The following PEAK1 variants were observed in gnomAD, a reference collection of about 807,000 sequenced individuals.
The protein encoded by PEAK1 is pseudopodium enriched atypical kinase 1, also known as inactive tyrosine-protein kinase PEAK1.
In PEAK1, 54 loss-of-function variants were observed where a neutral mutation model predicts 124.7. That is an observed-to-expected ratio of 0.43 (90% CI 0.35 to 0.54). The LOEUF (loss-of-function observed/expected upper bound fraction) is 0.54. Among genes scored for constraint, PEAK1 ranks in the 20% least tolerant of loss-of-function variants. The probability of loss-of-function intolerance (pLI) is 0.01; values close to 1 mark genes in which losing one functional copy is unlikely to be tolerated. For synonymous variants in PEAK1, 719 were observed against 760.0 expected, an observed-to-expected ratio of 0.95 and a Z score of 0.89; for missense variants, 2,046 against 2,134.5, an observed-to-expected ratio of 0.96 and a Z score of 0.82.
At chr15:77,248,108 G>A (rs1045428911) in intron 6 of PEAK1, among the ~76,000 whole-genome samples, 2 of 151,916 alleles carry the variant, frequency 1.3e-5, no homozygotes, top group African/African-American at 4.8e-5. Flanking sequence ...TGCTGCCCAG[G>A]CTGGTCTCAA....
intron 6 of PEAK1, among the ~76,000 whole-genome samples, chr15:77,211,565 T>C (rs549506315): frequency 6.6e-6 from 1 of 152,218 alleles, no homozygotes; most frequent in South Asian, 2.1e-4. Context: ...AAAGTGACTG[T>C]AGGCCAGGCA....
At chr15:77,276,779 G>A (rs533303707) in intron 5 of PEAK1, among the ~76,000 whole-genome samples, 1 of 152,012 alleles carries the variant, frequency 6.6e-6, no homozygotes, top group East Asian at 1.9e-4. Flanking sequence ...CAAAATGTAT[G>A]TAAAGAAAAT....
chr15:77,250,859 C>T (rs1360221192), intron 6 of PEAK1, among the ~76,000 whole-genome samples: 1 of 152,170 alleles, frequency 6.6e-6, no homozygotes, highest in African/African-American at 2.4e-5. Flanking sequence ...CACCGTGCCC[C>T]ATCCAAGATA....
intron 8 of PEAK1, among the ~76,000 whole-genome samples, chr15:77,152,700 GGTT>G (rs2054759357): frequency 6.6e-6 from 1 of 152,086 alleles, no homozygotes. Flanking sequence ...TAGCATGAAG[GGTT>G]GTTGAATTTT....
chr15:77,307,754 A>C (rs2221983), intron 2 of PEAK1, among the ~76,000 whole-genome samples: 4 of 152,014 alleles, frequency 2.6e-5, no homozygotes, highest in Non-Finnish European at 5.9e-5. Flanking sequence ...CCTCTCAACA[A>C]AAGGGATACA....
chr15:77,233,869 CTCTT>C (rs1182880930), intron 6 of PEAK1, among the ~76,000 whole-genome samples: 3 of 152,228 alleles, frequency 2.0e-5, no homozygotes, highest in Admixed American at 2.0e-4. Context: ...TATTAAACCT[CTCTT>C]TTTTTTGAAA....
intron 2 of PEAK1, among the ~76,000 whole-genome samples, chr15:77,363,744 CATGG>C (rs1276989755): frequency 1.3e-5 from 2 of 152,100 alleles, no homozygotes; most frequent in Non-Finnish European, 2.9e-5. Context: ...CATGCTTCAA[CATGG>C]ATGAAGCTTA....
chr15:77,418,922 A>G, intron 1 of PEAK1: 1 of 985,476 alleles, frequency 1.0e-6, no homozygotes, highest in Non-Finnish European at 1.2e-6. Flanking sequence ...AAAGCTGTTC[A>G]CGTACATCAT....
chr15:77,326,513 G>A (rs2065586140), intron 2 of PEAK1, among the ~76,000 whole-genome samples: 1 of 152,124 alleles, frequency 6.6e-6, no homozygotes, highest in Non-Finnish European at 1.5e-5. Context: ...GCTCTCTTCT[G>A]AGACTCCCTC....
At chr15:77,194,338 C>G (rs2058002488) in intron 6 of PEAK1, among the ~76,000 whole-genome samples, 1 of 152,182 alleles carries the variant, frequency 6.6e-6, no homozygotes, top group Non-Finnish European at 1.5e-5. Context: ...ACTACTTTAA[C>G]TCTTCATAAA....
intron 6 of PEAK1, among the ~76,000 whole-genome samples, chr15:77,229,838 G>A (rs2059830688): frequency 6.6e-6 from 1 of 151,816 alleles, no homozygotes; most frequent in South Asian, 2.1e-4. Flanking sequence ...GTAGAGACGG[G>A]GTTTCACCAT....
At chr15:77,267,922 G>C (rs541520185) in intron 5 of PEAK1, among the ~76,000 whole-genome samples, 1 of 152,000 alleles carries the variant, frequency 6.6e-6, no homozygotes, top group East Asian at 1.9e-4. Context: ...CAATAGAGGA[G>C]GCATCAGAGA....
intron 1 of PEAK1, chr15:77,418,952 C>A (rs2073116030): frequency 3.0e-6 from 3 of 985,156 alleles, no homozygotes. Flanking sequence ...TAAAAATAGT[C>A]TTTTATGTAA....
In PEAK1 at chr15:77,290,096, T is replaced by C. The variant is rs765457039; in HGVS notation, c.-602-3592A>G. Among the ~76,000 whole-genome samples the C allele has an allele frequency of 5.3e-5, 8 of 152,172 alleles. No individual in the cohort carries two copies. The Middle Eastern group carries it at 0.01, about 194-fold the overall frequency. ...GATTCTCCTGCCTCAGCTTCCCGAG[T>C]AGCTGGGATTACAGGAGCCTTGCAT... On this transcript the variant is annotated intron_variant, in intron 2 of 9. Coordinates refer to ENST00000682557, the MANE Select transcript of PEAK1 (RefSeq NM_001385026.1).
At chr15:77,291,337 C>A (rs188643654) in intron 2 of PEAK1, among the ~76,000 whole-genome samples, 1 of 152,270 alleles carries the variant, frequency 6.6e-6, no homozygotes, top group East Asian at 1.9e-4. Context: ...AGCAAATTGA[C>A]AGATATAAAT....
chr15:77,387,068 C>T (rs2070012797), intron 1 of PEAK1, among the ~76,000 whole-genome samples: 1 of 152,176 alleles, frequency 6.6e-6, no homozygotes. Context: ...CACTTCTGAA[C>T]TATTTCTGTG....
chr15:77,290,768 G>A (rs987145640), intron 2 of PEAK1, among the ~76,000 whole-genome samples: 9 of 151,978 alleles, frequency 5.9e-5, no homozygotes, highest in African/African-American at 1.9e-4. Context: ...TACCCAGGCT[G>A]GATAACTACT....
At chr15:77,327,859 T>G (rs2065671486) in intron 2 of PEAK1, among the ~76,000 whole-genome samples, 1 of 151,920 alleles carries the variant, frequency 6.6e-6, no homozygotes, top group Non-Finnish European at 1.5e-5. Context: ...ATTTTGAAGA[T>G]TTAAGAATTA....
chr15:77,216,864 G>C (rs2059170522), intron 6 of PEAK1, among the ~76,000 whole-genome samples: 1 of 152,166 alleles, frequency 6.6e-6, no homozygotes, highest in South Asian at 2.1e-4. Context: ...TTTTAAACAA[G>C]TAGGATTGAG....
Sources: allele counts gnomAD v4.1 joint callset (sites outside exome capture counted in the v4.1 genomes callset), GRCh38; gene constraint gnomAD v4.1.1; transcripts MANE v1.5; gene names NCBI Gene and HGNC (gene_info 2026-07-23, HGNC 2026-07-21).